Variants in KCND2 observed in about 807,000 individuals in gnomAD.
KCND2 encodes the protein A-type voltage-gated potassium channel KCND2.
Under a neutral mutation model 54.4 loss-of-function variants are expected in KCND2, and 16 were observed. That is an observed-to-expected ratio of 0.29 (90% CI 0.20 to 0.45). The LOEUF is 0.45. KCND2 is among the 20% of genes least tolerant of loss of function. KCND2 has a pLI of 1.00. For missense variants in KCND2, 486 were observed against 824.2 expected (o/e 0.59, Z 5.02); for synonymous variants, 317 against 310.7 (o/e 1.02, Z -0.21).
chr7:120,275,239 G>A lies in KCND2; in HGVS notation c.607G>A (p.Val203Met), dbSNP rs202176941. ...CATTGCCGTCTCTGTCATCGCGAAT[G>A]TGGTGGAAACAGTGCCGTGCGGATC... ...FFIAVSVIAN[V>M]VETVPCGSSP... is the part of the protein sequence containing the mutation. Residue 203 changes from valine (V) to methionine (M), a missense_variant, in exon 1 of 6, where the codon GTG becomes ATG. Physicochemically the swap from Val to Met is conservative, Grantham distance 21. This residue lies in a region of KCND2 where 231 missense variants were observed against 386.0 expected (regional missense o/e 0.60). Coordinates refer to ENST00000331113, the MANE Select transcript of KCND2 (RefSeq NM_012281.3). 6.2e-7 allele frequency: 1 copy of A among 1,613,958 alleles called. No individual in the cohort carries two copies.
chr7:120,403,610 A>G (rs1279593569), intron 1 of KCND2, among the ~76,000 whole-genome samples: 1 of 151,584 alleles, frequency 6.6e-6, no homozygotes, highest in African/African-American at 2.4e-5. Context: ...GATTACTGGC[A>G]TGAGCCACCA....
At chr7:120,601,529 A>G (rs1010601540) in intron 1 of KCND2, among the ~76,000 whole-genome samples, 6 of 152,232 alleles carry the variant, frequency 3.9e-5, no homozygotes, top group Admixed American at 1.3e-4. Context: ...ATGTAGGTCA[A>G]TGGTTGTAAA....
At chr7:120,677,562 T>TAG (rs1490964657) in intron 1 of KCND2, among the ~76,000 whole-genome samples, 2 of 126,340 alleles carry the variant, frequency 1.6e-5, no homozygotes, top group Admixed American at 7.7e-5. Flanking sequence ...TATAGATATA[T>TAG]AGATATATAG....
At chr7:120,309,225 A>G (rs1402991208) in intron 1 of KCND2, among the ~76,000 whole-genome samples, 1 of 152,040 alleles carries the variant, frequency 6.6e-6, no homozygotes, top group Non-Finnish European at 1.5e-5. Context: ...CATCCACGCA[A>G]TCGCTCTTCG....
chr7:120,529,352 T>G lies in KCND2; in HGVS notation c.1116-203551T>G, dbSNP rs569324755. Among the ~76,000 whole-genome samples, 16 of 152,328 alleles carry G rather than the reference T, an allele frequency of 1.1e-4. No individual in the cohort carries two copies. The South Asian group carries it at 3.3e-3, about 32-fold the overall frequency. On this transcript the variant is annotated intron_variant, in intron 1 of 5. Coordinates refer to ENST00000331113, the MANE Select transcript of KCND2 (RefSeq NM_012281.3). The stretch of plus-strand genomic sequence containing the variant: ...AAGATGCCAGGATTTCAGATGTGCT[T>G]GGGCCATTTCACCTTCACCCTGTTC...
At chr7:120,592,996 C>G (rs1234152971) in intron 1 of KCND2, among the ~76,000 whole-genome samples, 2 of 152,076 alleles carry the variant, frequency 1.3e-5, no homozygotes, top group Admixed American at 6.6e-5. Flanking sequence ...GTTGTCAAAA[C>G]TTACAGAGAA....
chr7:120,529,056 C>T (rs1176437823), intron 1 of KCND2, among the ~76,000 whole-genome samples: 2 of 152,180 alleles, frequency 1.3e-5, no homozygotes, highest in Admixed American at 6.5e-5. Context: ...CTCTTGGTAG[C>T]TTTCACTACA....
chr7:120,428,548 G>A (rs1431078078), intron 1 of KCND2, among the ~76,000 whole-genome samples: 1 of 152,178 alleles, frequency 6.6e-6, no homozygotes, highest in African/African-American at 2.4e-5. Context: ...TAAAGTTGAT[G>A]TAGATGTGGC....
At chr7:120,538,480 A>T (rs1301915186) in intron 1 of KCND2, among the ~76,000 whole-genome samples, 2 of 152,154 alleles carry the variant, frequency 1.3e-5, no homozygotes, top group Admixed American at 1.3e-4. Context: ...TATGATTGCC[A>T]CCAAAAGCTG....
chr7:120,371,222 C>T (rs890030351), intron 1 of KCND2, among the ~76,000 whole-genome samples: 1 of 151,974 alleles, frequency 6.6e-6, no homozygotes, highest in African/African-American at 2.4e-5. Context: ...CAGAGCCTTG[C>T]TATATACATG....
At chr7:120,576,262 G>C (rs9649423) in intron 1 of KCND2, among the ~76,000 whole-genome samples, 105,324 of 152,050 alleles carry the variant, frequency 0.69, 38,862 homozygotes, top group Middle Eastern at 0.88. Flanking sequence ...ATTACAAATA[G>C]TACTAACACC....
intron 1 of KCND2, among the ~76,000 whole-genome samples, chr7:120,332,122 T>C (rs1800078500): frequency 6.6e-6 from 1 of 152,070 alleles, no homozygotes; most frequent in Non-Finnish European, 1.5e-5. Flanking sequence ...TTGATATCAT[T>C]AATTATCTCC....
intron 1 of KCND2, among the ~76,000 whole-genome samples, chr7:120,562,704 G>A (rs1207197305): frequency 6.6e-6 from 1 of 152,082 alleles, no homozygotes; most frequent in Non-Finnish European, 1.5e-5. Context: ...GCCAACATTT[G>A]AGACATTTAA....
chr7:120,742,347 G>A (rs1221747913), intron 3 of KCND2, 163 bp from the exon 4 acceptor site: 9 of 651,324 alleles, frequency 1.4e-5, no homozygotes, highest in African/African-American at 3.6e-5. Context: ...TGTAAATGCC[G>A]ATCATCCAAC....
At chr7:120,432,178 G>A (rs1801800028) in intron 1 of KCND2, among the ~76,000 whole-genome samples, 1 of 152,102 alleles carries the variant, frequency 6.6e-6, no homozygotes, top group Non-Finnish European at 1.5e-5. Flanking sequence ...ATTTCAAACA[G>A]TACTCAAATG....
At chr7:120,460,419 T>A (rs988625302) in intron 1 of KCND2, among the ~76,000 whole-genome samples, 1 of 152,138 alleles carries the variant, frequency 6.6e-6, no homozygotes, top group Non-Finnish European at 1.5e-5. Flanking sequence ...TGGCTCTTTT[T>A]CCACTTTCTT....
At chr7:120,357,898 A>G (rs1042671540) in intron 1 of KCND2, among the ~76,000 whole-genome samples, 1 of 152,118 alleles carries the variant, frequency 6.6e-6, no homozygotes, top group South Asian at 2.1e-4. Context: ...TAAAGGACCT[A>G]TCTCTCAATA....
intron 1 of KCND2, among the ~76,000 whole-genome samples, chr7:120,514,907 C>G (rs1453959208): frequency 1.4e-4 from 22 of 151,852 alleles, no homozygotes. Flanking sequence ...ATTGGGGACC[C>G]CTGTTTTATA....
At chr7:120,493,823 A>G (rs759974302) in intron 1 of KCND2, among the ~76,000 whole-genome samples, 1 of 152,182 alleles carries the variant, frequency 6.6e-6, no homozygotes, top group Non-Finnish European at 1.5e-5. Context: ...ATTAGGAGAC[A>G]TGATTAAAAG....
Sources: allele counts gnomAD v4.1 joint callset (sites outside exome capture counted in the v4.1 genomes callset), GRCh38; gene constraint gnomAD v4.1.1; regional missense constraint gnomAD v4.1.1; transcripts MANE v1.5; gene names NCBI Gene and HGNC (gene_info 2026-07-23, HGNC 2026-07-21).